The following WDR70 variants were observed in gnomAD, a reference collection of about 807,000 sequenced individuals.
WDR70 encodes the protein WD repeat-containing protein 70.
Under a neutral mutation model 88.6 loss-of-function variants are expected in WDR70, and 53 were observed. The ratio of observed to expected loss-of-function variants is 0.60; its 90% CI spans 0.48 to 0.75. WDR70 has a LOEUF of 0.75. Ranked by LOEUF, WDR70 falls within the 30% of genes least tolerant of loss-of-function variation. WDR70 has a pLI of 0.00. For synonymous variants in WDR70, 280 were observed against 270.0 expected (o/e 1.04, Z -0.36); for missense variants, 610 against 823.2 (o/e 0.74, Z 3.17).
chr5:37,621,910 G>A (rs1053872718), intron 10 of WDR70, among the ~76,000 whole-genome samples: 8 of 152,266 alleles, frequency 5.3e-5, no homozygotes, highest in South Asian at 2.1e-4. Context: ...TTTGTATAAG[G>A]TGTAAGGAAG....
chr5:37,551,924 A>T (rs1158451266), intron 9 of WDR70, among the ~76,000 whole-genome samples: 2 of 151,504 alleles, frequency 1.3e-5, no homozygotes, highest in Non-Finnish European at 2.9e-5. Context: ...GGCGCCCACC[A>T]CCATGCCCGG....
At chr5:37,473,228 T>C (rs1234709249) in intron 7 of WDR70, among the ~76,000 whole-genome samples, 1 of 46,640 alleles carries the variant, frequency 2.1e-5, no homozygotes, top group Admixed American at 4.3e-4. Flanking sequence ...TGTTGGTCTT[T>C]TTATTCTTTT....
At chr5:37,693,463 GTACAAGGT>G (rs772682982) in intron 10 of WDR70, among the ~76,000 whole-genome samples, 122 of 152,164 alleles carry the variant, frequency 8.0e-4, no homozygotes, top group Non-Finnish European at 1.4e-3. Flanking sequence ...TCAAACTATA[GTACAAGGT>G]TACAGTAACC....
intron 8 of WDR70, among the ~76,000 whole-genome samples, chr5:37,487,605 ATATAT>A: frequency 1.1e-4 from 1 of 9,168 alleles, no homozygotes; most frequent in East Asian, 0.083. Context: ...ATATAAATAT[ATATAT>A]ATATATATAT....
At chr5:37,740,575 G>C (rs1748444420) in intron 17 of WDR70, among the ~76,000 whole-genome samples, 1 of 152,228 alleles carries the variant, frequency 6.6e-6, no homozygotes, top group Middle Eastern at 3.4e-3. Context: ...AGGGCAGGAT[G>C]GATTGGAATG....
chr5:37,521,934 TTAAG>T (rs1473775620), intron 9 of WDR70, among the ~76,000 whole-genome samples: 8 of 152,216 alleles, frequency 5.3e-5, no homozygotes, highest in Non-Finnish European at 1.2e-4. Context: ...TTTTAGTTCT[TTAAG>T]TAATCTTCAT....
rs1491508863 is a variant in WDR70 at position 37,401,190 on chromosome 5, T to TTTA, written c.492+4620_492+4621insTTA. On this transcript the variant is annotated intron_variant, in intron 5 of 17. Coordinates refer to ENST00000265107, the MANE Select transcript of WDR70 (RefSeq NM_018034.4). Reference sequence around the variant, plus strand: ...TTTTTTTTTTTTTTTTTTTTTTTTTTAGTAGAGATGAGGTCTTACTACATT... The same window carrying TTTA: ...TTTTTTTTTTTTTTTTTTTTTTTTTTTTAAGTAGAGATGAGGTCTTACTACATT... Among the ~76,000 whole-genome samples, 258 of 137,240 alleles carry TTTA rather than the reference T, an allele frequency of 1.9e-3. 8 individuals carry two copies. The highest frequency in any genetic ancestry group is 2.7e-3 in the Non-Finnish European group (174 of 65,538). The allele number at this position is 137,240 out of a possible 152,430, so 90.0% of individuals were successfully genotyped here.
chr5:37,493,308 A>G (rs1313808644), intron 8 of WDR70, among the ~76,000 whole-genome samples: 1 of 152,118 alleles, frequency 6.6e-6, no homozygotes, highest in African/African-American at 2.4e-5. Context: ...GCACGCTACT[A>G]GGTCAGCATT....
intron 2 of WDR70, among the ~76,000 whole-genome samples, chr5:37,380,447 T>A (rs1021688490): frequency 6.6e-6 from 1 of 151,840 alleles, no homozygotes; most frequent in Non-Finnish European, 1.5e-5. Context: ...CACGCCATTC[T>A]CCGGTCTCAG....
At chr5:37,642,138 A>G (rs754902030) in intron 10 of WDR70, among the ~76,000 whole-genome samples, 5 of 152,128 alleles carry the variant, frequency 3.3e-5, no homozygotes, top group Non-Finnish European at 7.4e-5. Flanking sequence ...TTCTGAGATC[A>G]GCTAACTGGT....
At chr5:37,479,737 A>G (rs758422587) in intron 7 of WDR70, 97 bp from the exon 8 acceptor site, 16 of 1,370,224 alleles carry the variant, frequency 1.2e-5, no homozygotes, top group East Asian at 9.2e-5. Context: ...CAATTTGTCC[A>G]TTTGTGTAAC....
chr5:37,484,043 CG>C (rs1739771006), intron 8 of WDR70, among the ~76,000 whole-genome samples: 1 of 151,458 alleles, frequency 6.6e-6, no homozygotes, highest in African/African-American at 2.4e-5. Flanking sequence ...GGATGGCGGC[CG>C]GGAAGAGGCG....
chr5:37,490,711 C>G (rs1229558839), intron 8 of WDR70, among the ~76,000 whole-genome samples: 1 of 152,096 alleles, frequency 6.6e-6, no homozygotes, highest in Non-Finnish European at 1.5e-5. Flanking sequence ...CAAGGTTACT[C>G]TCAGTGGCAG....
chr5:37,495,048 G>A (rs1740173932), intron 8 of WDR70, among the ~76,000 whole-genome samples: 1 of 152,240 alleles, frequency 6.6e-6, no homozygotes, highest in Non-Finnish European at 1.5e-5. Flanking sequence ...AGTTATAGCA[G>A]AGAGCATGTG....
intron 5 of WDR70, among the ~76,000 whole-genome samples, chr5:37,430,760 C>T (rs1392232165): frequency 6.6e-6 from 1 of 152,144 alleles, no homozygotes; most frequent in African/African-American, 2.4e-5. Flanking sequence ...GGGGTTTCAC[C>T]ATGTTGGCCA....
At chr5:37,589,985 G>A (rs1743484202) in intron 9 of WDR70, among the ~76,000 whole-genome samples, 1 of 152,136 alleles carries the variant, frequency 6.6e-6, no homozygotes, top group South Asian at 2.1e-4. Context: ...TAAGAGCAGA[G>A]TGTAAATTTT....
intron 5 of WDR70, among the ~76,000 whole-genome samples, chr5:37,417,521 G>A (rs945215419): frequency 1.4e-5 from 2 of 142,102 alleles, no homozygotes; most frequent in African/African-American, 2.5e-5. Context: ...CACTGCACCC[G>A]GCCACCACCC....
chr5:37,401,164 A>ATTTTT lies in WDR70; in HGVS notation c.492+4616_492+4620dup, dbSNP rs559450523. Among the ~76,000 whole-genome samples, 4 of 69,160 alleles carry ATTTTT rather than the reference A, an allele frequency of 5.8e-5. 1 individual carries two copies. The highest frequency in any genetic ancestry group is 1.1e-4 in the African/African-American group (2 of 18,860). The allele number at this position is 69,160 out of a possible 152,430, so 45.4% of individuals were successfully genotyped here. A position where few individuals can be genotyped will look rare whatever the true frequency, so the allele number is the denominator to read the frequency against. ...CAGGCATGTGCCTCTACACCTAGCT[A>ATTTTT]TTTTTTTTTTTTTTTTTTTTTTTTT... On this transcript the variant is annotated intron_variant, in intron 5 of 17. Coordinates refer to ENST00000265107, the MANE Select transcript of WDR70 (RefSeq NM_018034.4).
chr5:37,519,519 TC>T (rs1444040008), intron 9 of WDR70, among the ~76,000 whole-genome samples: 1 of 123,740 alleles, frequency 8.1e-6, no homozygotes, highest in Non-Finnish European at 1.7e-5. Context: ...GAGGCGCTCC[TC>T]ACCTCCCAGA....
Sources: allele counts gnomAD v4.1 joint callset (sites outside exome capture counted in the v4.1 genomes callset), GRCh38; gene constraint gnomAD v4.1.1; transcripts MANE v1.5; gene names NCBI Gene and HGNC (gene_info 2026-07-23, HGNC 2026-07-21).